Variants in RNF25 observed in about 807,000 individuals in gnomAD.
RNF25 encodes E3 ubiquitin-protein ligase RNF25.
RNF25 carries 32 observed loss-of-function variants against 65.0 expected under a neutral mutation model. The observed-to-expected ratio is 0.49, with a 90% confidence interval of 0.37 to 0.66. The LOEUF (loss-of-function observed/expected upper bound fraction) is 0.66, where lower values mean the gene tolerates loss of function less well. Ranked by LOEUF, RNF25 falls within the 30% of genes least tolerant of loss-of-function variation. The pLI is 0.00. For missense variants in RNF25, 493 were observed against 584.8 expected, an observed-to-expected ratio of 0.84 and a Z score of 1.62; for synonymous variants, 207 against 221.2, an observed-to-expected ratio of 0.94 and a Z score of 0.57.
In RNF25 at chr2:218,668,099, A is replaced by C; in HGVS notation, c.267T>G (p.Leu89=). Residue 89 remains leucine, a synonymous_variant, in exon 4 of 10, where the codon CTT becomes CTG. Coordinates refer to ENST00000295704, the MANE Select transcript of RNF25 (RefSeq NM_022453.3). Reference sequence around the variant, plus strand: ...CTTACGTGTGGATCTGTTCATCTGAAAGTCCTCGGGGATTTCGGATAGAGA... The same window carrying C: ...CTTACGTGTGGATCTGTTCATCTGACAGTCCTCGGGGATTTCGGATAGAGA... ...PQISIRNPRG[L]SDEQIHTILQ... 6.2e-7 allele frequency: 1 copy of C among 1,613,800 alleles called. No homozygotes were observed. The highest frequency in any genetic ancestry group is 8.5e-7 in the Non-Finnish European group (1 of 1,179,888).
intron 5 of RNF25, among the ~76,000 whole-genome samples, chr2:218,666,545 A>G (rs979116879): frequency 6.6e-6 from 1 of 152,224 alleles, no homozygotes; most frequent in African/African-American, 2.4e-5. Context: ...TTCAATTAAA[A>G]TTTATCTTCT....
In RNF25 at chr2:218,664,060, C is replaced by T. The variant is rs570040263; in HGVS notation, c.1277G>A (p.Arg426Gln). The T allele has an allele frequency of 5.0e-5, 75 of 1,504,922 alleles. No homozygotes were observed. The highest frequency in any genetic ancestry group is 5.9e-5 in the Non-Finnish European group (67 of 1,127,322). The allele number at this position is 1,504,922 out of a possible 1,614,324, so 93.2% of individuals were successfully genotyped here. The change falls in exon 10 of 10, where the codon CGG (arginine) becomes CAG (glutamine). Residue 426 changes from arginine (R) to glutamine (Q), a missense_variant. By Grantham distance (43) the Arg-to-Gln change is conservative. Around this residue, in one of 3 missense-constraint regions of RNF25, gnomAD observed 351 missense variants for 400.2 expected, o/e 0.88. Transcript: ENST00000295704. The surrounding 1 kb of genome is among the most constrained non-coding windows in gnomAD (Gnocchi z 5.1). ...GCGAGGGTAGGAAGAACCGGGTGTC[C>T]GGCCTTTAGAGCGCTCCCAGCGAAC... ...DCVRWERSKG[R>Q]TPGSSYPRLP...
At chr2:218,668,851 G>A (rs1327410066) in intron 1 of RNF25, among the ~76,000 whole-genome samples, 172 bp from the exon 2 acceptor site, 1 of 152,208 alleles carries the variant, frequency 6.6e-6, no homozygotes, top group Admixed American at 6.5e-5. Context: ...TGGCCAAATA[G>A]AAGGCATGGA....
chr2:218,670,742 G>A (rs1366802170), intron 1 of RNF25, among the ~76,000 whole-genome samples: 2 of 142,378 alleles, frequency 1.4e-5, no homozygotes, highest in Admixed American at 7.1e-5. Context: ...GGGGACTGAA[G>A]AATGTCCTAG....
At chr2:218,668,529 C>T in intron 2 of RNF25, 76 bp downstream of exon 2, 1 of 1,158,806 alleles carries the variant, frequency 8.6e-7, no homozygotes, top group Non-Finnish European at 1.3e-6. Context: ...CTCACAATGT[C>T]TTAAGACCCA....
Position 218,666,165 on chromosome 2 carries a change from A to G in RNF25, c.423T>C (p.Gly141=). The change falls in exon 6 of 10, where the codon GGT becomes GGC. Residue 141 remains glycine (G), a synonymous_variant. Coordinates refer to ENST00000295704, the MANE Select transcript of RNF25 (RefSeq NM_022453.3). ...PHGQCVICLY[G]FQEKEAFTKT... is the part of the protein sequence containing the mutation. The stretch of plus-strand genomic sequence containing the variant: ...TCCCAAGAGAGAAACCCACCTGGAA[A>G]CCATAGAGGCAGATGACACACTGGC... 6.2e-7 allele frequency: 1 copy of G among 1,614,058 alleles called. No individual in the cohort carries two copies. Among genetic ancestry groups the G allele is most frequent in the Non-Finnish European group, 8.5e-7 (1 of 1,179,936 alleles).
At chr2:218,666,524 G>GA (rs1485199760) in intron 5 of RNF25, among the ~76,000 whole-genome samples, 3 of 151,940 alleles carry the variant, frequency 2.0e-5, no homozygotes, top group Admixed American at 6.5e-5. Context: ...TACACCTTGA[G>GA]AAAAAAAATG....
chr2:218,665,399 CTA>C, intron 7 of RNF25, 152 bp from the exon 8 acceptor site: 1 of 666,816 alleles, frequency 1.5e-6, no homozygotes, highest in East Asian at 2.7e-5. Context: ...GGTTGTCTAA[CTA>C]GAGATCTGGG....
intron 1 of RNF25, among the ~76,000 whole-genome samples, chr2:218,669,492 G>A (rs1045548801): frequency 6.6e-6 from 1 of 152,240 alleles, no homozygotes; most frequent in Non-Finnish European, 1.5e-5. Context: ...AAGGAAGGAG[G>A]TAATAGAGTA....
Position 218,671,981 on chromosome 2 carries a change from G to T in RNF25, c.-11C>A, listed in dbSNP as rs773965921. 3 of 1,614,202 alleles carry T rather than the reference G, an allele frequency of 1.9e-6. No individual in the cohort carries two copies. The South Asian group carries it at 3.3e-5, about 18-fold the overall frequency. On this transcript the variant is annotated 5_prime_UTR_variant, in exon 1 of 10. Coordinates refer to ENST00000295704, the MANE Select transcript of RNF25 (RefSeq NM_022453.3). ...CGCAGACGCCGCCATATCTTCACCG[G>T]CCCGCAGCCGGAACCGGAAATGCCC...
Position 218,664,571 on chromosome 2 carries a change from C to T in RNF25, c.802-36G>A, listed in dbSNP as rs1939778105. On this transcript the variant is annotated intron_variant, in intron 9 of 9. Transcript: ENST00000295704. This position sits in a 1 kb window ranked among gnomAD's most constrained non-coding sequence, Gnocchi z 5.1. ...GTGACAAGATGCAGTGAGGGAGATG[C>T]AGTTCCTCAAGGTGGGGAACTACAG... 6.3e-7 allele frequency: 1 copy of T among 1,591,324 alleles called. No homozygotes were observed. The highest frequency in any genetic ancestry group is 8.6e-7 in the Non-Finnish European group (1 of 1,164,552).
intron 1 of RNF25, among the ~76,000 whole-genome samples, chr2:218,670,855 C>A (rs1222269286): frequency 6.6e-6 from 1 of 151,714 alleles, no homozygotes. Flanking sequence ...ATCTAGTCTT[C>A]CCAGGTGCCT....
In RNF25 at chr2:218,664,198, T is replaced by C; in HGVS notation, c.1139A>G (p.Lys380Arg). 6.3e-7 allele frequency: 1 copy of C among 1,591,688 alleles called. No homozygotes were observed. Among genetic ancestry groups the C allele is most frequent in the Non-Finnish European group, 8.5e-7 (1 of 1,170,112 alleles). Residue 380 changes from lysine (K) to arginine (R), a missense_variant, in exon 10 of 10, where the codon AAG becomes AGG. By Grantham distance (26) the Lys-to-Arg change is conservative (BLOSUM62 2). Transcript: ENST00000295704. The surrounding 1 kb of genome is among the most constrained non-coding windows in gnomAD (Gnocchi z 5.1). ...TTCTGGCTTTAGGTCCATGGGCTCC[T>C]TGAGGGGCCCCTCAGGAGGTGGCAG... is the stretch of plus-strand genomic sequence containing the variant. ...QELPPPEGPL[K>R]EPMDLKPEPH...
chr2:218,665,117 C>T (rs1275140844), intron 8 of RNF25, 38 bp downstream of exon 8: 1 of 1,588,538 alleles, frequency 6.3e-7, no homozygotes, highest in Admixed American at 1.7e-5. Context: ...TAGAAAATAC[C>T]ATTACTCCTG....
chr2:218,664,845 A>G lies in RNF25; in HGVS notation c.695T>C (p.Leu232Ser). ...CCGCTTGCGTTCTTCTTGCTGGCGC[A>G]AGCTCTCTGCACTGGGCTGGTACAG... Reference protein sequence around the residue: ...MELYQPSAESLRQQEERKRLY... With the variant: ...MELYQPSAESSRQQEERKRLY... The change falls in exon 9 of 10, where the codon TTG (leucine) becomes TCG (serine). Residue 232 changes from leucine (L) to serine (S), a missense_variant. Around this residue, in one of 3 missense-constraint regions of RNF25, gnomAD observed 351 missense variants for 400.2 expected, o/e 0.88. Transcript: ENST00000295704. This position sits in a 1 kb window ranked among gnomAD's most constrained non-coding sequence, Gnocchi z 5.1. 1.2e-6 allele frequency: 2 copies of G among 1,614,032 alleles called. No homozygotes were observed. Among genetic ancestry groups the G allele is most frequent in the Non-Finnish European group, 1.7e-6 (2 of 1,180,016 alleles).
At chr2:218,668,191 AG>A in intron 3 of RNF25, 45 bp from the exon 4 acceptor site, 1 of 1,612,858 alleles carries the variant, frequency 6.2e-7, no homozygotes, top group Non-Finnish European at 8.5e-7. Context: ...GGTCCACCCC[AG>A]GGACTCTCCC....
chr2:218,669,943 G>A (rs1455281324), intron 1 of RNF25, among the ~76,000 whole-genome samples: 2 of 152,158 alleles, frequency 1.3e-5, no homozygotes, highest in South Asian at 2.1e-4. Flanking sequence ...CCCCTGAACA[G>A]GTAAACTGTA....
chr2:218,671,135 C>T (rs2106338672), intron 1 of RNF25, among the ~76,000 whole-genome samples: 1 of 152,328 alleles, frequency 6.6e-6, no homozygotes, highest in Admixed American at 6.5e-5. Flanking sequence ...AATCGCACCA[C>T]CGCACTCCAG....
chr2:218,665,635 C>T (rs1225225518), intron 7 of RNF25, among the ~76,000 whole-genome samples: 1 of 151,346 alleles, frequency 6.6e-6, no homozygotes, highest in East Asian at 1.9e-4. Context: ...CCCAGCTACT[C>T]GGGAGGCTGA....
Sources: allele counts gnomAD v4.1 joint callset (sites outside exome capture counted in the v4.1 genomes callset), GRCh38; gene constraint gnomAD v4.1.1; regional missense constraint gnomAD v4.1.1; non-coding constraint Gnocchi (gnomAD v3.1); transcripts MANE v1.5; gene names NCBI Gene and HGNC (gene_info 2026-07-23, HGNC 2026-07-21).